Variants in CTNND1 observed in about 807,000 individuals in gnomAD.
CTNND1 encodes catenin delta 1.
In CTNND1, 16 loss-of-function variants were observed where a neutral mutation model predicts 112.1. The observed-to-expected ratio is 0.14, with a 90% confidence interval of 0.10 to 0.22. CTNND1 has a LOEUF of 0.22. Among genes scored for constraint, CTNND1 ranks in the 10% least tolerant of loss-of-function variants. The pLI is 1.00. For missense variants in CTNND1, 1,008 were observed against 1,257.0 expected (o/e 0.80, Z 3.00); for synonymous variants, 420 against 446.5 (o/e 0.94, Z 0.75).
At chr11:57,790,773 T>C (rs1196170081) in intron 2 of CTNND1, among the ~76,000 whole-genome samples, 4 of 151,960 alleles carry the variant, frequency 2.6e-5, no homozygotes, top group Non-Finnish European at 1.5e-5. Flanking sequence ...TTGGCCAGAC[T>C]GGTCTCGAAC....
In CTNND1 at chr11:57,815,889, T is replaced by A. The variant is rs771828773; in HGVS notation, c.2809-26T>A. ...CTCATGAGGTTCCTGTCTCTACTCA[T>A]ACTAACAAATTGCATGTGTTCACAG... On this transcript the variant is annotated intron_variant, in intron 19 of 20. Coordinates refer to ENST00000399050, the MANE Select transcript of CTNND1 (RefSeq NM_001085458.2). The A allele has an allele frequency of 2.5e-6, 4 of 1,589,536 alleles. No homozygotes were observed. The East Asian group carries it at 9.0e-5, about 36-fold the overall frequency.
Position 57,805,961 on chromosome 11 carries a change from A to G in CTNND1, c.1802A>G (p.Gln601Arg), listed in dbSNP as rs762325579. The change falls in exon 10 of 21, where the codon CAA (glutamine) becomes CGA (arginine). Residue 601 changes from glutamine to arginine, a missense_variant. By Grantham distance (43) the Gln-to-Arg change is conservative (BLOSUM62 1). Coordinates refer to ENST00000399050, the MANE Select transcript of CTNND1 (RefSeq NM_001085458.2). ...HREIPQAERYQEAAPNVANNT... is the reference protein window; with the variant it reads ...HREIPQAERYREAAPNVANNT... Reference sequence around the variant, plus strand: ...GAGATCCCACAGGCAGAGCGTTACCAAGAGGCAGCTCCCAATGTTGCCAAC... The same window carrying G: ...GAGATCCCACAGGCAGAGCGTTACCGAGAGGCAGCTCCCAATGTTGCCAAC... The G allele has an allele frequency of 5.0e-6, 8 of 1,613,188 alleles. No individual in the cohort carries two copies. The East Asian group carries it at 1.8e-4, about 36-fold the overall frequency.
In CTNND1 at chr11:57,796,690, A is replaced by T. The variant is rs755018338; in HGVS notation, c.654A>T (p.Glu218Asp). The T allele has an allele frequency of 7.0e-5, 113 of 1,613,884 alleles. No homozygotes were observed. The highest frequency in any genetic ancestry group is 7.8e-5 in the Non-Finnish European group (92 of 1,179,892). ...CTGATGGTTATAGTCGCCACTATGAAGATGGTTATCCAGGTGGCAGTGATA... is the reference window on the plus strand; with the variant it reads ...CTGATGGTTATAGTCGCCACTATGATGATGGTTATCCAGGTGGCAGTGATA... The part of the protein sequence containing the change: ...YPPDGYSRHY[E>D]DGYPGGSDNY... Residue 218 changes from glutamate (E) to aspartate (D), a missense_variant, in exon 6 of 21, where the codon GAA becomes GAT. Coordinates refer to ENST00000399050, the MANE Select transcript of CTNND1 (RefSeq NM_001085458.2).
At chr11:57,787,464 C>T (rs1373740301) in intron 1 of CTNND1, among the ~76,000 whole-genome samples, 1 of 152,226 alleles carries the variant, frequency 6.6e-6, no homozygotes, top group Non-Finnish European at 1.5e-5. Flanking sequence ...AACTTAATAC[C>T]TGACATTTGT....
chr11:57,795,064 T>A (rs564830380), intron 4 of CTNND1, among the ~76,000 whole-genome samples: 4 of 152,168 alleles, frequency 2.6e-5, no homozygotes, highest in Admixed American at 2.6e-4. Context: ...CATGGTGGCG[T>A]GAGCCTGTAG....
rs58673483 is a variant in CTNND1, at chr11:57,780,071, T to TTTTG, written c.-213-8966_-213-8965insTTTG. Among the ~76,000 whole-genome samples the TTTTG allele has an allele frequency of 2.2e-3, 285 of 129,208 alleles. 79 individuals are homozygous for TTTTG. The highest frequency in any genetic ancestry group is 4.2e-3 in the Middle Eastern group (1 of 240). 84.8% of individuals were successfully genotyped at this position (129,208 alleles called of 152,430 possible). ...ACTAGAATGACTTTTTTTTTTTTTTTGAGACAGGGTCTTACTCTGTCACTG... is the reference window on the plus strand; with the variant it reads ...ACTAGAATGACTTTTTTTTTTTTTTTTTTGGAGACAGGGTCTTACTCTGTCACTG... On this transcript the variant is annotated intron_variant, in intron 1 of 20. Coordinates refer to ENST00000399050, the MANE Select transcript of CTNND1 (RefSeq NM_001085458.2).
chr11:57,803,948 CTA>C (rs1266339448), intron 8 of CTNND1, 144 bp downstream of exon 8: 1 of 582,602 alleles, frequency 1.7e-6, no homozygotes, highest in Non-Finnish European at 2.9e-6. Context: ...TCCAACCTTT[CTA>C]TCTTTGTTGC....
At chr11:57,784,978 A>G (rs1486366423) in intron 1 of CTNND1, among the ~76,000 whole-genome samples, 1 of 152,208 alleles carries the variant, frequency 6.6e-6, no homozygotes, top group Non-Finnish European at 1.5e-5. Flanking sequence ...TAAACCATGA[A>G]GAGTAATAGA....
At chr11:57,798,742 C>T (rs933879578) in intron 6 of CTNND1, among the ~76,000 whole-genome samples, 5 of 152,188 alleles carry the variant, frequency 3.3e-5, no homozygotes, top group African/African-American at 1.2e-4. Context: ...ATGGGGTCGA[C>T]AGACCCCTGA....
chr11:57,768,411 T>C (rs1255408690), intron 1 of CTNND1, among the ~76,000 whole-genome samples: 10 of 66,370 alleles, frequency 1.5e-4, no homozygotes, highest in Admixed American at 7.5e-4. Flanking sequence ...TTTTTTTTTT[T>C]TAGACAGAGT....
intron 1 of CTNND1, chr11:57,781,467 TCTC>T (rs746652448): frequency 4.6e-5 from 7 of 152,224 alleles, no homozygotes; most frequent in Non-Finnish European, 1.0e-4. Flanking sequence ...ACCTGATCTC[TCTC>T]CTCTTGTAGG....
At chr11:57,773,452 GTT>G (rs112626428) in intron 1 of CTNND1, among the ~76,000 whole-genome samples, 7 of 133,504 alleles carry the variant, frequency 5.2e-5, no homozygotes, top group Non-Finnish European at 6.5e-5. Context: ...CTGAGATTAT[GTT>G]TTTTTTTTTT....
At chr11:57,814,235 C>G in intron 17 of CTNND1, 76 bp from the exon 18 acceptor site, 1 of 1,023,414 alleles carries the variant, frequency 9.8e-7, no homozygotes, top group South Asian at 1.4e-5. Context: ...GAAGGAGGAC[C>G]AGAGAGCAAT....
chr11:57,799,991 T>TG (rs1301911399), intron 6 of CTNND1, among the ~76,000 whole-genome samples: 5 of 143,870 alleles, frequency 3.5e-5, no homozygotes, highest in African/African-American at 1.0e-4. Flanking sequence ...TTTTTTTTTT[T>TG]TTTTTTTTTT....
At chr11:57,791,290 C>A in intron 2 of CTNND1, 95 bp from the exon 3 acceptor site, 2 of 1,117,044 alleles carry the variant, frequency 1.8e-6, no homozygotes, top group Non-Finnish European at 1.1e-6. Context: ...TGCAGTAAAA[C>A]CACGAGAGGG....
At position 57,791,444 on chromosome 11, in the gene CTNND1, T is replaced by TA; in HGVS notation, c.-34dup. Reference sequence around the variant, plus strand: ...TTCCTCTGTGATTCACCTTCCTTTTTACCCTGCCCTGCGGCGGCTCCGCCC... The same window carrying TA: ...TTCCTCTGTGATTCACCTTCCTTTTTAACCCTGCCCTGCGGCGGCTCCGCCC... On this transcript the variant is annotated 5_prime_UTR_variant, in exon 3 of 21. Coordinates refer to ENST00000399050, the MANE Select transcript of CTNND1 (RefSeq NM_001085458.2). 7.1e-7 allele frequency: 1 copy of TA among 1,406,014 alleles called. No individual in the cohort carries two copies. The allele number at this position is 1,406,014 out of a possible 1,614,324, so 87.1% of individuals were successfully genotyped here. A position where few individuals can be genotyped will look rare whatever the true frequency, so the allele number is the denominator to read the frequency against.
At chr11:57,807,672 C>T (rs902430484) in intron 12 of CTNND1, among the ~76,000 whole-genome samples, 4 of 146,694 alleles carry the variant, frequency 2.7e-5, no homozygotes, top group African/African-American at 1.0e-4. Context: ...AAATTTGGAT[C>T]TTTATATTCA....
chr11:57,771,995 CAG>C (rs889115771), intron 1 of CTNND1, among the ~76,000 whole-genome samples: 21 of 151,096 alleles, frequency 1.4e-4, no homozygotes, highest in Admixed American at 4.0e-4. Context: ...AATCTCAGCT[CAG>C]TGCAGCCTCC....
At chr11:57,796,176 G>A (rs558862558) in intron 5 of CTNND1, among the ~76,000 whole-genome samples, 1 of 152,188 alleles carries the variant, frequency 6.6e-6, no homozygotes, top group South Asian at 2.1e-4. Context: ...CACGAGGTCA[G>A]GAGTTTGAGA....
Sources: allele counts gnomAD v4.1 joint callset (sites outside exome capture counted in the v4.1 genomes callset), GRCh38; gene constraint gnomAD v4.1.1; transcripts MANE v1.5; gene names NCBI Gene and HGNC (gene_info 2026-07-23, HGNC 2026-07-21).